The following ADK variants were observed in gnomAD, a reference collection of about 807,000 sequenced individuals.
ADK encodes N6,N6-dimethyladenosine kinase.
ADK carries 24 observed loss-of-function variants against 44.7 expected under a neutral mutation model. The observed-to-expected ratio is 0.54, with a 90% CI of 0.39 to 0.76. The LOEUF is 0.76. Among genes scored for constraint, ADK ranks in the 30% least tolerant of loss-of-function variants. The probability of loss-of-function intolerance (pLI) is 0.00; values close to 1 mark genes in which losing one functional copy is unlikely to be tolerated. For missense variants in ADK, 321 were observed against 425.1 expected, an observed-to-expected ratio of 0.76 and a Z score of 2.15; for synonymous variants, 128 against 142.6, an observed-to-expected ratio of 0.90 and a Z score of 0.73.
At chr10:74,682,743 T>G in intron 10 of ADK, among the ~76,000 whole-genome samples, 1 of 151,924 alleles carries the variant, frequency 6.6e-6, no homozygotes. Context: ...CTGGCCAACT[T>G]TTGTATTTTT....
chr10:74,254,013 C>T lies in ADK; in HGVS notation c.194+29422C>T, dbSNP rs1383810468. ...AACTGCTGACCTCAAGTGATCCGCC[C>T]GCCTCAGCCTCCCAAAGTGCTGGGA... On this transcript the variant is annotated intron_variant, in intron 3 of 10. Transcript: ENST00000539909. Among the ~76,000 whole-genome samples the T allele has an allele frequency of 2.6e-5, 4 of 152,124 alleles. No individual in the cohort carries two copies. The East Asian group carries it at 7.7e-4, about 29-fold the overall frequency.
intron 10 of ADK, among the ~76,000 whole-genome samples, chr10:74,677,683 A>G (rs765678656): frequency 6.6e-6 from 1 of 152,176 alleles, no homozygotes; most frequent in Non-Finnish European, 1.5e-5. Flanking sequence ...ATGGTGACCA[A>G]GATGACAGCT....
rs562964946 is a variant in ADK, at chr10:74,483,019, A to G, written c.556-42237A>G. On this transcript the variant is annotated intron_variant, in intron 6 of 10. Coordinates refer to ENST00000539909, the MANE Select transcript of ADK (RefSeq NM_006721.4). ...ACAGTGGCCCTCTTCTCACCATTCC[A>G]ATAGGCAGTTTCCCAGTGGGGACTC... Among the ~76,000 whole-genome samples, 5 of 152,208 alleles carry G rather than the reference A, an allele frequency of 3.3e-5. No homozygotes were observed. In the South Asian group the frequency reaches 1.0e-3, roughly 32 times the overall value.
intron 7 of ADK, among the ~76,000 whole-genome samples, chr10:74,552,025 T>TTAC (rs1311455487): frequency 7.6e-6 from 1 of 132,392 alleles, no homozygotes; most frequent in Non-Finnish European, 1.6e-5. Flanking sequence ...ATTATTATTA[T>TTAC]TATTTTTTAT....
At chr10:74,597,420 C>T (rs1851961609) in intron 8 of ADK, among the ~76,000 whole-genome samples, 2 of 152,166 alleles carry the variant, frequency 1.3e-5, no homozygotes, top group Non-Finnish European at 2.9e-5. Flanking sequence ...AGGCTTTATT[C>T]TGGTTTCAAC....
At chr10:74,347,082 G>GGGAT (rs1841792565) in intron 4 of ADK, among the ~76,000 whole-genome samples, 1 of 124,492 alleles carries the variant, frequency 8.0e-6, no homozygotes, top group African/African-American at 3.7e-5. Flanking sequence ...ACTCCAGCCT[G>GGGAT]GGCGACAGAG....
intron 4 of ADK, among the ~76,000 whole-genome samples, chr10:74,331,974 C>A (rs961493861): frequency 6.6e-6 from 1 of 152,222 alleles, no homozygotes; most frequent in Non-Finnish European, 1.5e-5. Context: ...CTGCTTCAGT[C>A]TCCTGAGTAG....
intron 4 of ADK, among the ~76,000 whole-genome samples, chr10:74,329,106 C>CAAAAAAAAAAAAAAAAAA (rs138730631): frequency 1.2e-5 from 1 of 82,122 alleles, no homozygotes; most frequent in East Asian, 3.8e-4. Context: ...TCTGTGCAGG[C>CAAAAAAAAAAAAAAAAAA]AAAAAAAAAA....
intron 6 of ADK, among the ~76,000 whole-genome samples, chr10:74,453,571 G>A (rs1189230084): frequency 6.6e-6 from 1 of 152,058 alleles, no homozygotes; most frequent in South Asian, 2.1e-4. Flanking sequence ...TTCACTTGAA[G>A]TTATTAGTGG....
At chr10:74,405,909 T>G (rs1843906241) in intron 6 of ADK, among the ~76,000 whole-genome samples, 1 of 152,168 alleles carries the variant, frequency 6.6e-6, no homozygotes. Context: ...TCCCAGGTAC[T>G]GACCTTAAGA....
rs530543143 is a variant in ADK at position 74,337,754 on chromosome 10, C to T, written c.273+23009C>T. ...TTGAAGATATTGTATATTCCCTCTT[C>T]GGATGATTTTTTTTTTTTTTTTTTT... On this transcript the variant is annotated intron_variant, in intron 4 of 10. Coordinates refer to ENST00000539909, the MANE Select transcript of ADK (RefSeq NM_006721.4). 1.0e-4 allele frequency among the ~76,000 whole-genome samples: 15 copies of T among 146,576 alleles called. No homozygotes were observed. In the South Asian group the frequency reaches 3.2e-3, roughly 32 times the overall value.
intron 2 of ADK, among the ~76,000 whole-genome samples, chr10:74,218,270 C>T (rs2132220463): frequency 6.6e-6 from 1 of 151,976 alleles, no homozygotes; most frequent in Non-Finnish European, 1.5e-5. Flanking sequence ...AGGGTATCAG[C>T]AATGGAAGAT....
At chr10:74,578,476 T>G (rs774366549) in intron 7 of ADK, among the ~76,000 whole-genome samples, 3 of 152,192 alleles carry the variant, frequency 2.0e-5, no homozygotes, top group Non-Finnish European at 2.9e-5. Context: ...GTATGGTCTC[T>G]GTTAAGCTAC....
At chr10:74,211,054 T>C (rs1187975584) in intron 2 of ADK, among the ~76,000 whole-genome samples, 1 of 152,136 alleles carries the variant, frequency 6.6e-6, no homozygotes, top group Admixed American at 6.6e-5. Flanking sequence ...CTGGCTAATT[T>C]TTGTATTTTT....
At chr10:74,391,841 ACT>A (rs2132037519) in intron 4 of ADK, among the ~76,000 whole-genome samples, 1 of 151,892 alleles carries the variant, frequency 6.6e-6, no homozygotes, top group Admixed American at 6.6e-5. Context: ...TACCCATTAA[ACT>A]CTTAATTCTC....
chr10:74,440,740 A>G (rs1359985197), intron 6 of ADK, among the ~76,000 whole-genome samples: 1 of 152,168 alleles, frequency 6.6e-6, no homozygotes, highest in Admixed American at 6.5e-5. Flanking sequence ...AATTCAGCGC[A>G]TAATTGTATA....
chr10:74,687,578 G>C (rs1291951693), intron 10 of ADK, among the ~76,000 whole-genome samples: 2 of 152,156 alleles, frequency 1.3e-5, no homozygotes, highest in African/African-American at 2.4e-5. Context: ...TAAACATTGT[G>C]TTTGCATGCC....
At chr10:74,458,949 T>C (rs564625103) in intron 6 of ADK, among the ~76,000 whole-genome samples, 3 of 152,210 alleles carry the variant, frequency 2.0e-5, no homozygotes, top group East Asian at 1.9e-4. Context: ...CCTTAACATA[T>C]GGTGAAAAGC....
chr10:74,168,536 CAAA>C (rs140065598), intron 1 of ADK, among the ~76,000 whole-genome samples: 14 of 98,914 alleles, frequency 1.4e-4, no homozygotes, highest in Admixed American at 2.1e-4. Flanking sequence ...GAGACTGTCT[CAAA>C]AAAAAAAAAA....
Sources: allele counts gnomAD v4.1 joint callset (sites outside exome capture counted in the v4.1 genomes callset), GRCh38; gene constraint gnomAD v4.1.1; transcripts MANE v1.5; gene names NCBI Gene and HGNC (gene_info 2026-07-23, HGNC 2026-07-21).